FRMPD3: variants seen among roughly 807,000 people sequenced by gnomAD.
FRMPD3 encodes FERM and PDZ domain containing 3.
In FRMPD3, 42 loss-of-function variants were observed where a neutral mutation model predicts 97.9. The ratio of observed to expected loss-of-function variants is 0.43; its 90% confidence interval spans 0.34 to 0.55. FRMPD3 has a LOEUF of 0.55. FRMPD3 is among the 20% of genes least tolerant of loss of function. The pLI, the probability that FRMPD3 is intolerant of heterozygous loss-of-function variation, is 0.03. For synonymous variants in FRMPD3, 577 were observed against 581.1 expected (o/e 0.99, Z 0.10); for missense variants, 1,303 against 1,457.7 (o/e 0.89, Z 1.73).
intron 1 of FRMPD3, among the ~76,000 whole-genome samples, chrX:107,496,571 C>G (rs73522804): frequency 1.8e-5 from 2 of 111,895 alleles, no homozygotes; most frequent in Non-Finnish European, 3.8e-5. Flanking sequence ...TGTTTTATCA[C>G]CTCTGAGTGT....
rs929255213 is a variant in FRMPD3 at position 107,601,947 on chromosome X, G to A, written c.3908G>A (p.Arg1303His). ...CAGAGGCGCAGCTGTGACTGCAAGC[G>A]CATCTGCCGGGGGGGCCGGCCACAA... ...REQRRSCDCK[R>H]ICRGGRPQAT... Residue 1303 changes from arginine to histidine, a missense_variant, in exon 15 of 15, where the codon CGC becomes CAC. By Grantham distance (29) the Arg-to-His change is conservative. This residue lies in a region of FRMPD3 where 764 missense variants were observed against 820.2 expected (regional missense o/e 0.93). Transcript: ENST00000683843. The A allele has an allele frequency of 5.1e-6, 6 of 1,173,245 alleles. No homozygotes were observed. The African/African-American group carries it at 7.1e-5, about 14-fold the overall frequency.
intron 1 of FRMPD3, among the ~76,000 whole-genome samples, chrX:107,452,689 G>T (rs894247114): frequency 1.2e-4 from 13 of 111,803 alleles, no homozygotes; most frequent in Non-Finnish European, 2.1e-4. Context: ...GAGGTCTGGG[G>T]ACTCCTATGA....
intron 1 of FRMPD3, among the ~76,000 whole-genome samples, chrX:107,526,114 C>T (rs1323850645): frequency 1.8e-5 from 2 of 111,538 alleles, no homozygotes; most frequent in African/African-American, 6.5e-5. Flanking sequence ...TAAAATATTG[C>T]ATCAGGGCTT....
At chrX:107,496,169 A>C (rs1226184612) in intron 1 of FRMPD3, among the ~76,000 whole-genome samples, 2 of 112,199 alleles carry the variant, frequency 1.8e-5, no homozygotes, top group East Asian at 5.6e-4. Context: ...CGTCATCATT[A>C]TTGTGGGTTA....
At chrX:107,592,325 C>T (rs1456426388) in intron 13 of FRMPD3, among the ~76,000 whole-genome samples, 1 of 111,762 alleles carries the variant, frequency 8.9e-6, no homozygotes, top group Non-Finnish European at 1.9e-5. Context: ...TTTTAGTCTA[C>T]AGCCATACCT....
chrX:107,503,740 G>A (rs1027957956), intron 1 of FRMPD3, among the ~76,000 whole-genome samples: 8 of 111,838 alleles, frequency 7.2e-5, no homozygotes, highest in Non-Finnish European at 1.3e-4. Flanking sequence ...GAAAGGCTTC[G>A]CAAATTAGAC....
At position 107,565,038 on chromosome X, in the gene FRMPD3, G is replaced by A. The variant is rs1255160435; in HGVS notation, c.1268G>A (p.Arg423Gln). The A allele has an allele frequency of 8.4e-7, 1 of 1,195,163 alleles. No homozygotes were observed. The highest frequency in any genetic ancestry group is 3.0e-5 in the East Asian group (1 of 33,381). The change falls in exon 12 of 15, where the codon CGG becomes CAG. Residue 423 changes from arginine to glutamine, a missense_variant. Physicochemically the swap from Arg to Gln is conservative, Grantham distance 43. Transcript: ENST00000683843. ...TTCCGGGAGAACCAGGGCGTGGCCC[G>A]GGTGGAGACCAGCATCATGGATGCC... ...QLFRENQGVA[R>Q]VETSIMDAKP...
At chrX:107,572,908 C>CTAATAATAATAATAATAA (rs374047113) in intron 12 of FRMPD3, among the ~76,000 whole-genome samples, 4 of 101,001 alleles carry the variant, frequency 4.0e-5, no homozygotes, top group African/African-American at 1.5e-4. Flanking sequence ...ACTACTACTA[C>CTAATAATAATAATAATAA]TAATAATAAT....
chrX:107,487,413 T>A (rs1046318891), intron 1 of FRMPD3, among the ~76,000 whole-genome samples: 5 of 111,457 alleles, frequency 4.5e-5, no homozygotes, highest in African/African-American at 1.6e-4. Context: ...TTGGGAGGCA[T>A]TATGGACAGC....
intron 13 of FRMPD3, among the ~76,000 whole-genome samples, chrX:107,589,383 C>T (rs1202951205): frequency 2.7e-5 from 3 of 110,732 alleles, no homozygotes; most frequent in African/African-American, 9.9e-5. Context: ...TGGGGGTTCA[C>T]GTCAGGCCCT....
chrX:107,481,421 C>T (rs1239829044), intron 1 of FRMPD3, among the ~76,000 whole-genome samples: 2 of 112,229 alleles, frequency 1.8e-5, no homozygotes, highest in Non-Finnish European at 3.8e-5. Context: ...GCTAGACCTG[C>T]CCACCAGGGA....
At chrX:107,527,861 A>T (rs1350026552) in intron 2 of FRMPD3, among the ~76,000 whole-genome samples, 1 of 111,541 alleles carries the variant, frequency 9.0e-6, no homozygotes, top group African/African-American at 3.3e-5. Flanking sequence ...CAACAACAAC[A>T]ATTTAGTACA....
intron 1 of FRMPD3, among the ~76,000 whole-genome samples, chrX:107,460,055 G>C (rs1931443820): frequency 8.9e-6 from 1 of 111,760 alleles, no homozygotes; most frequent in South Asian, 3.8e-4. Flanking sequence ...CTAAGAAGTA[G>C]GCAGGTGTCC....
intron 1 of FRMPD3, among the ~76,000 whole-genome samples, chrX:107,498,397 T>TA (rs1921825431): frequency 8.9e-6 from 1 of 111,930 alleles, no homozygotes; most frequent in African/African-American, 3.3e-5. Context: ...GGATTGCTGA[T>TA]ACAAATCTCA....
intron 4 of FRMPD3, among the ~76,000 whole-genome samples, chrX:107,541,291 T>C (rs1456199853): frequency 3.5e-4 from 39 of 112,595 alleles, no homozygotes; most frequent in Non-Finnish European, 1.1e-4. Flanking sequence ...CGGAGGCCTC[T>C]GAGAGGCTCC....
At chrX:107,557,150 T>A (rs1922116002) in intron 8 of FRMPD3, among the ~76,000 whole-genome samples, 1 of 112,359 alleles carries the variant, frequency 8.9e-6, no homozygotes, top group South Asian at 3.7e-4. Context: ...GTATTCTTTT[T>A]TTACTTTAGT....
At chrX:107,594,570 C>G (rs1175951490) in intron 13 of FRMPD3, among the ~76,000 whole-genome samples, 4 of 112,226 alleles carry the variant, frequency 3.6e-5, no homozygotes, top group African/African-American at 1.3e-4. Context: ...GCACTTTCAG[C>G]TACAGATTTC....
chrX:107,600,868 T>C lies in FRMPD3; in HGVS notation c.2829T>C (p.Leu943=). The C allele has an allele frequency of 8.3e-7, 1 of 1,209,285 alleles. No individual in the cohort carries two copies. Among genetic ancestry groups the C allele is most frequent in the Middle Eastern group, 2.3e-4 (1 of 4,355 alleles). Residue 943 remains leucine, a synonymous_variant, in exon 15 of 15, where the codon CTT becomes CTC. Coordinates refer to ENST00000683843, the MANE Select transcript of FRMPD3 (RefSeq NM_001388459.1). ...AGGAGGTCAGGTTGAGCCCCAAGCT[T>C]ATCCTCGACCCAAAGAGCAGTGTGA... ...LPKEVRLSPK[L]ILDPKSSVTP...
chrX:107,492,825 G>C (rs761076045), intron 1 of FRMPD3, among the ~76,000 whole-genome samples: 1 of 111,677 alleles, frequency 9.0e-6, no homozygotes, highest in South Asian at 3.8e-4. Context: ...AACACACTTT[G>C]GGGAAATACC....
Sources: allele counts gnomAD v4.1 joint callset (sites outside exome capture counted in the v4.1 genomes callset), GRCh38; gene constraint gnomAD v4.1.1; regional missense constraint gnomAD v4.1.1; transcripts MANE v1.5; gene names NCBI Gene and HGNC (gene_info 2026-07-23, HGNC 2026-07-21).